Variants in ST6GAL1 observed in about 807,000 individuals in gnomAD.
The protein encoded by ST6GAL1 is ST6 beta-galactoside alpha-2,6-sialyltransferase 1.
In ST6GAL1, 20 loss-of-function variants were observed where a neutral mutation model predicts 38.0. The observed-to-expected ratio is 0.53, with a 90% CI of 0.37 to 0.77. The LOEUF (loss-of-function observed/expected upper bound fraction) is 0.77. Among genes scored for constraint, ST6GAL1 ranks in the 30% least tolerant of loss-of-function variants. ST6GAL1 has a pLI of 0.00. For synonymous variants in ST6GAL1, 196 were observed against 188.2 expected (o/e 1.04, Z -0.34); for missense variants, 432 against 496.4 (o/e 0.87, Z 1.23).
chr3:186,949,721 A>C (rs541994287), intron 1 of ST6GAL1, among the ~76,000 whole-genome samples: 5 of 152,328 alleles, frequency 3.3e-5, no homozygotes, highest in South Asian at 4.1e-4. Context: ...CGGAAAAAAA[A>C]CCACATGCTT....
intron 2 of ST6GAL1, among the ~76,000 whole-genome samples, chr3:187,036,754 G>A (rs1426813358): frequency 5.3e-5 from 8 of 152,260 alleles, no homozygotes; most frequent in Non-Finnish European, 7.4e-5. Context: ...ACTACAAGAC[G>A]GGGAAGGCTG....
intron 2 of ST6GAL1, chr3:187,024,988 C>CGTGTGTGTGTGTGTGTGTGT: frequency 6.9e-6 from 1 of 145,690 alleles, no homozygotes; most frequent in South Asian, 2.2e-4. Flanking sequence ...GAACCTGGTG[C>CGTGTGTGTGTGTGTGTGTGT]GTGTGTGTGT....
At chr3:187,018,069 G>A (rs578139615) in intron 2 of ST6GAL1, among the ~76,000 whole-genome samples, 7 of 152,218 alleles carry the variant, frequency 4.6e-5, no homozygotes, top group Admixed American at 2.0e-4. Flanking sequence ...GCTGTGTCCC[G>A]GGGGAGGCAG....
intron 1 of ST6GAL1, among the ~76,000 whole-genome samples, chr3:186,944,714 G>T (rs552538874): frequency 6.6e-6 from 1 of 152,316 alleles, no homozygotes; most frequent in South Asian, 2.1e-4. Context: ...AGCCTATGCT[G>T]AGAAAAAAGA....
chr3:187,018,729 C>T (rs772299881), intron 2 of ST6GAL1, among the ~76,000 whole-genome samples: 5 of 152,208 alleles, frequency 3.3e-5, no homozygotes, highest in Non-Finnish European at 5.9e-5. Flanking sequence ...CTCACAGACA[C>T]GCCCAGGATC....
At chr3:187,021,337 C>G (rs1717291263) in intron 2 of ST6GAL1, among the ~76,000 whole-genome samples, 1 of 152,184 alleles carries the variant, frequency 6.6e-6, no homozygotes, top group Non-Finnish European at 1.5e-5. Context: ...GAATGCTGGG[C>G]TTTTTAGACT....
intron 1 of ST6GAL1, among the ~76,000 whole-genome samples, chr3:186,933,822 C>G (rs1484440806): frequency 6.6e-6 from 1 of 152,050 alleles, no homozygotes; most frequent in Non-Finnish European, 1.5e-5. Flanking sequence ...ATAACAACAC[C>G]CTTTAAGTCA....
At chr3:187,004,870 C>A (rs184664626) in intron 2 of ST6GAL1, among the ~76,000 whole-genome samples, 1 of 152,284 alleles carries the variant, frequency 6.6e-6, no homozygotes, top group Non-Finnish European at 1.5e-5. Context: ...TTTCTTCTCC[C>A]TTTTACAACC....
chr3:187,005,551 A>G (rs1716760796), intron 2 of ST6GAL1, among the ~76,000 whole-genome samples: 1 of 152,110 alleles, frequency 6.6e-6, no homozygotes, highest in South Asian at 2.1e-4. Context: ...CTGGGATTAC[A>G]GGCATGAGCC....
At chr3:186,969,376 T>A (rs1715265786) in intron 2 of ST6GAL1, among the ~76,000 whole-genome samples, 1 of 152,166 alleles carries the variant, frequency 6.6e-6, no homozygotes, top group South Asian at 2.1e-4. Context: ...TTAATAGGTG[T>A]ATGGTGATAT....
intron 2 of ST6GAL1, among the ~76,000 whole-genome samples, chr3:187,011,760 T>C (rs1366682880): frequency 6.6e-6 from 1 of 152,250 alleles, no homozygotes; most frequent in Non-Finnish European, 1.5e-5. Flanking sequence ...ATTTTATTTC[T>C]GTATCTTCCA....
intron 2 of ST6GAL1, among the ~76,000 whole-genome samples, chr3:186,981,682 G>A (rs1414873105): frequency 6.6e-6 from 1 of 152,176 alleles, no homozygotes; most frequent in Non-Finnish European, 1.5e-5. Context: ...ATAAATTACT[G>A]AAGGCAGTCA....
At position 187,072,893 on chromosome 3, in the gene ST6GAL1, T is replaced by C; in HGVS notation, c.750T>C (p.Asn250=). 6.2e-7 allele frequency: 1 copy of C among 1,614,044 alleles called. No individual in the cohort carries two copies. The highest frequency in any genetic ancestry group is 8.5e-7 in the Non-Finnish European group (1 of 1,179,914). The change falls in exon 6 of 8, where the codon AAT becomes AAC. Residue 250 remains asparagine, a synonymous_variant. Transcript: ENST00000169298. ...EKRFLKDSLY[N]EGILIVWDPS... is the part of the protein sequence containing the mutation. Reference sequence around the variant, plus strand: ...GCTTCCTCAAAGACAGTTTGTACAATGAAGGAATCCTAATTGTATGGGACC... The same window carrying C: ...GCTTCCTCAAAGACAGTTTGTACAACGAAGGAATCCTAATTGTATGGGACC...
chr3:186,974,815 C>G (rs1715469563), intron 2 of ST6GAL1: 1 of 152,060 alleles, frequency 6.6e-6, no homozygotes, highest in Non-Finnish European at 1.5e-5. Flanking sequence ...GGCTGATGAG[C>G]TTCCACTGTC....
At chr3:187,059,246 G>C (rs1457847199) in intron 5 of ST6GAL1, among the ~76,000 whole-genome samples, 1 of 152,174 alleles carries the variant, frequency 6.6e-6, no homozygotes, top group East Asian at 1.9e-4. Context: ...GTTGGAGGTG[G>C]AGGTGTAGAA....
At chr3:186,935,916 C>CT (rs1388927419) in intron 1 of ST6GAL1, among the ~76,000 whole-genome samples, 1 of 152,102 alleles carries the variant, frequency 6.6e-6, no homozygotes, top group African/African-American at 2.4e-5. Flanking sequence ...AACCCAGAAC[C>CT]TTCACACATA....
In ST6GAL1 at chr3:187,008,869, C is replaced by CT. The variant is rs199537778; in HGVS notation, c.-182-29872dup. Among the ~76,000 whole-genome samples, 763 of 151,242 alleles carry CT rather than the reference C, an allele frequency of 5.0e-3. 21 individuals carry two copies. In the East Asian group the frequency reaches 0.08, roughly 16 times the overall value. On this transcript the variant is annotated intron_variant, in intron 2 of 7. Transcript: ENST00000169298. ...TCTTTTTTGGTTTTTCTCTCTCTGT[C>CT]TCTTCCTTTCATGTGGACATTTCAT...
Position 187,040,779 on chromosome 3 carries a change from A to T in ST6GAL1, c.-50-1875A>T, listed in dbSNP as rs137857678. 2.8e-3 allele frequency among the ~76,000 whole-genome samples: 433 copies of T among 152,250 alleles called. 3 individuals are homozygous for T. The highest frequency in any genetic ancestry group is 9.8e-3 in the African/African-American group (407 of 41,542). On this transcript the variant is annotated intron_variant, in intron 3 of 7. Coordinates refer to ENST00000169298, the MANE Select transcript of ST6GAL1 (RefSeq NM_173216.2). ...ACAAGCTTCCACCCTTCACTTCATG[A>T]TCTTCTATCTGAATTCTTCTTCCAC...
Position 187,075,441 on chromosome 3 carries a change from T to G in ST6GAL1, c.980-121T>G. On this transcript the variant is annotated intron_variant, in intron 7 of 7. Transcript: ENST00000169298. The surrounding 1 kb of genome is among the most constrained non-coding windows in gnomAD (Gnocchi z 4.1). ...TTAGATTGGGAATCACAGTCATAAATAGAAACTCCAGAGGGAAAGCTCTCC... is the reference window on the plus strand; with the variant it reads ...TTAGATTGGGAATCACAGTCATAAAGAGAAACTCCAGAGGGAAAGCTCTCC... 1 of 1,440,488 alleles carries G rather than the reference T, an allele frequency of 6.9e-7. No homozygotes were observed. Among genetic ancestry groups the G allele is most frequent in the East Asian group, 2.3e-5 (1 of 43,698 alleles). 89.2% of individuals were successfully genotyped at this position (1,440,488 alleles called of 1,614,324 possible). A position where few individuals can be genotyped will look rare whatever the true frequency, so the allele number is the denominator to read the frequency against.
Sources: allele counts gnomAD v4.1 joint callset (sites outside exome capture counted in the v4.1 genomes callset), GRCh38; gene constraint gnomAD v4.1.1; non-coding constraint Gnocchi (gnomAD v3.1); transcripts MANE v1.5; gene names NCBI Gene and HGNC (gene_info 2026-07-23, HGNC 2026-07-21).